Variants in PLA2G12B observed in about 807,000 individuals in gnomAD.
PLA2G12B encodes phospholipase A2 group XIIB.
In PLA2G12B, 19 loss-of-function variants were observed where a neutral mutation model predicts 22.3. The ratio of observed to expected loss-of-function variants is 0.85; its 90% confidence interval spans 0.60 to 1.25. The LOEUF (loss-of-function observed/expected upper bound fraction) is 1.25, where lower values mean the gene tolerates loss of function less well. PLA2G12B is among the 50% of genes most tolerant of loss of function. The pLI is 0.00. For synonymous variants in PLA2G12B, 81 were observed against 94.9 expected, an observed-to-expected ratio of 0.85 and a Z score of 0.85; for missense variants, 191 against 246.6, an observed-to-expected ratio of 0.77 and a Z score of 1.51.
In PLA2G12B at chr10:72,935,746, A is replaced by G. The variant is rs1365913672; in HGVS notation, c.467-8T>C. The G allele has an allele frequency of 1.8e-5, 29 of 1,613,614 alleles. No individual in the cohort carries two copies. Among genetic ancestry groups the G allele is most frequent in the Non-Finnish European group, 2.3e-5 (27 of 1,179,742 alleles). ...CCAGGGAATCACAGGCTGCTTGAAA[A>G]AGATGAAGAGGGACAGAAAGGTTAA... On this transcript the variant is annotated splice_polypyrimidine_tract_variant and splice_region_variant and intron_variant, in intron 3 of 3. Transcript: ENST00000373032.
intron 1 of PLA2G12B, 113 bp from the exon 2 acceptor site, chr10:72,942,853 G>T: frequency 1.1e-6 from 1 of 895,166 alleles, no homozygotes; most frequent in Non-Finnish European, 1.7e-6. Context: ...TTCTTTAAAA[G>T]TCACTGTTCC....
Position 72,941,340 on chromosome 10 carries a change from GA to G in PLA2G12B, c.301-7del. On this transcript the variant is annotated splice_region_variant and splice_polypyrimidine_tract_variant and intron_variant, in intron 2 of 3. Coordinates refer to ENST00000373032, the MANE Select transcript of PLA2G12B (RefSeq NM_032562.5). ...GCTGGAATGCCCAAGTCCATCTGGG[GA>G]AAAGTGAAGGAAGGGAAAAGAAGGG... The G allele has an allele frequency of 6.2e-7, 1 of 1,611,942 alleles. No individual in the cohort carries two copies. Among genetic ancestry groups the G allele is most frequent in the Non-Finnish European group, 8.5e-7 (1 of 1,178,198 alleles).
chr10:72,947,194 G>C (rs569436730), intron 1 of PLA2G12B, among the ~76,000 whole-genome samples: 2 of 152,088 alleles, frequency 1.3e-5, no homozygotes, highest in Admixed American at 6.6e-5. Flanking sequence ...TGAGCTGCTA[G>C]AATTACAGGC....
At chr10:72,954,274 C>G (rs772877501) in intron 1 of PLA2G12B, among the ~76,000 whole-genome samples, 1 of 152,174 alleles carries the variant, frequency 6.6e-6, no homozygotes, top group African/African-American at 2.4e-5. Context: ...CCAGATATTT[C>G]ACTGGACATA....
chr10:72,938,220 T>C (rs538700754), intron 3 of PLA2G12B, among the ~76,000 whole-genome samples: 4 of 152,282 alleles, frequency 2.6e-5, no homozygotes, highest in Admixed American at 6.5e-5. Context: ...GGTCGTCTAA[T>C]GACAGTCATA....
In PLA2G12B at chr10:72,935,522, G is replaced by T; in HGVS notation, c.*95C>A. 6.5e-7 allele frequency: 1 copy of T among 1,532,732 alleles called. No homozygotes were observed. The allele number at this position is 1,532,732 out of a possible 1,614,324, so 94.9% of individuals were successfully genotyped here. A position where few individuals can be genotyped will look rare whatever the true frequency, so the allele number is the denominator to read the frequency against. On this transcript the variant is annotated 3_prime_UTR_variant, in exon 4 of 4. Transcript: ENST00000373032. ...CCTGCTTTGTGGTGTCCAAACTGTT[G>T]GAAGAACGAATGAGTCACGCTGACT...
At chr10:72,946,922 C>CT (rs971582524) in intron 1 of PLA2G12B, among the ~76,000 whole-genome samples, 71 of 143,170 alleles carry the variant, frequency 5.0e-4, no homozygotes, top group African/African-American at 6.3e-4. Flanking sequence ...TTTTCATCTT[C>CT]TTTTTTTTTT....
chr10:72,941,080 C>T, intron 3 of PLA2G12B, 89 bp downstream of exon 3: 4 of 1,357,506 alleles, frequency 2.9e-6, no homozygotes, highest in South Asian at 2.8e-5. Flanking sequence ...CTCTGATGAT[C>T]TCTTCGAGTC....
chr10:72,935,808 A>C, intron 3 of PLA2G12B, 70 bp from the exon 4 acceptor site: 2 of 1,537,586 alleles, frequency 1.3e-6, no homozygotes, highest in South Asian at 2.4e-5. Flanking sequence ...CAGGCATGAC[A>C]TGATACCCAG....
At chr10:72,944,887 G>A (rs1846415980) in intron 1 of PLA2G12B, among the ~76,000 whole-genome samples, 2 of 152,150 alleles carry the variant, frequency 1.3e-5, no homozygotes, top group Admixed American at 1.3e-4. Flanking sequence ...AGTTGGAAGG[G>A]TCCAGCCCCT....
intron 2 of PLA2G12B, among the ~76,000 whole-genome samples, chr10:72,941,829 T>G (rs953512496): frequency 4.6e-5 from 7 of 151,828 alleles, no homozygotes; most frequent in Admixed American, 2.6e-4. Flanking sequence ...TGTGTGTGTG[T>G]GTGGGTGTGT....
intron 3 of PLA2G12B, among the ~76,000 whole-genome samples, chr10:72,940,183 T>C (rs185291305): frequency 6.6e-6 from 1 of 152,244 alleles, no homozygotes; most frequent in Non-Finnish European, 1.5e-5. Flanking sequence ...TAGACATTGA[T>C]CTATGAAAAG....
chr10:72,940,538 G>A (rs1054173074), intron 3 of PLA2G12B, among the ~76,000 whole-genome samples: 2 of 127,224 alleles, frequency 1.6e-5, no homozygotes, highest in East Asian at 2.4e-4. Context: ...TGGGCATGGC[G>A]GCGGGTGCCT....
intron 3 of PLA2G12B, among the ~76,000 whole-genome samples, chr10:72,940,144 C>T (rs571197987): frequency 6.6e-6 from 1 of 152,216 alleles, no homozygotes; most frequent in East Asian, 1.9e-4. Flanking sequence ...ATTTCTAAGC[C>T]CTCACACCTT....
intron 1 of PLA2G12B, among the ~76,000 whole-genome samples, chr10:72,949,385 T>C (rs1460404847): frequency 6.6e-6 from 1 of 152,230 alleles, no homozygotes; most frequent in Non-Finnish European, 1.5e-5. Flanking sequence ...ATATTATTTG[T>C]ATGCAAACCA....
At position 72,950,082 on chromosome 10, in the gene PLA2G12B, A is replaced by AG. The variant is rs886270705; in HGVS notation, c.211+4392dup. Among the ~76,000 whole-genome samples the AG allele has an allele frequency of 1.4e-4, 22 of 152,374 alleles. No homozygotes were observed. In the South Asian group the frequency reaches 2.3e-3, roughly 16 times the overall value. ...GATTAATACATCAATGGAACACAGC[A>AG]GGACAGAGGCAATTCTCCTGTAGAG... On this transcript the variant is annotated intron_variant, in intron 1 of 3. Transcript: ENST00000373032.
At chr10:72,944,264 T>TTAA (rs1846407508) in intron 1 of PLA2G12B, among the ~76,000 whole-genome samples, 1 of 152,218 alleles carries the variant, frequency 6.6e-6, no homozygotes, top group African/African-American at 2.4e-5. Flanking sequence ...TTTTTTTTAA[T>TTAA]TAAATGTGAC....
In PLA2G12B at chr10:72,941,279, T is replaced by TA; in HGVS notation, c.355dup (p.Tyr119LeufsTer2). 6.2e-7 allele frequency: 1 copy of TA among 1,613,806 alleles called. No individual in the cohort carries two copies. Reference sequence around the variant, plus strand: ...ATATTTGTTGGCACCGCAAGTGTCATAACAGACATCCAGCTGGTTGCAGCA... The same window carrying TA: ...ATATTTGTTGGCACCGCAAGTGTCATAAACAGACATCCAGCTGGTTGCAGCA... On this transcript the variant is annotated frameshift_variant, in exon 3 of 4. Coordinates refer to ENST00000373032, the MANE Select transcript of PLA2G12B (RefSeq NM_032562.5). LOFTEE classifies it high-confidence loss of function.
At chr10:72,941,139 G>A (rs1241992837) in intron 3 of PLA2G12B, 30 bp downstream of exon 3, 1 of 1,605,390 alleles carries the variant, frequency 6.2e-7, no homozygotes, top group East Asian at 2.2e-5. Context: ...AAACCTCCCT[G>A]TGCACTGTAC....
Sources: gnomAD v4.1 joint callset for allele counts (sites outside exome capture counted in the v4.1 genomes callset) on GRCh38, gnomAD v4.1.1 for gene constraint, MANE v1.5 for transcripts, NCBI Gene and HGNC (gene_info 2026-07-23, HGNC 2026-07-21) for gene names.